CFAP46: variants seen among roughly 807,000 people sequenced by gnomAD.
The protein encoded by CFAP46 is cilia and flagella associated protein 46, also known as cilia- and flagella-associated protein 46.
CFAP46 carries 245 observed loss-of-function variants against 325.7 expected under a neutral mutation model. The ratio of observed to expected loss-of-function variants is 0.75; its 90% CI spans 0.68 to 0.84. The LOEUF is 0.84. Among genes scored for constraint, CFAP46 ranks in the 40% least tolerant of loss-of-function variants. The pLI, the probability that CFAP46 is intolerant of heterozygous loss-of-function variation, is 0.00. For missense variants in CFAP46, 3,346 were observed against 3,543.0 expected (o/e 0.94, Z 1.41); for synonymous variants, 1,523 against 1,495.9 (o/e 1.02, Z -0.42).
chr10:132,829,676 G>A (rs892843004), intron 50 of CFAP46, among the ~76,000 whole-genome samples: 6 of 152,234 alleles, frequency 3.9e-5, no homozygotes, highest in Non-Finnish European at 7.3e-5. Context: ...GATGTCCTTT[G>A]CCAGCTGGAA....
intron 38 of CFAP46, 144 bp downstream of exon 38, chr10:132,858,927 C>T (rs892691010): frequency 1.2e-5 from 10 of 810,644 alleles, no homozygotes; most frequent in Non-Finnish European, 1.7e-5. Flanking sequence ...GAGGCGGCAG[C>T]CGAGAGCTTC....
intron 41 of CFAP46, among the ~76,000 whole-genome samples, chr10:132,848,854 C>T (rs532366747): frequency 1.3e-5 from 2 of 152,282 alleles, no homozygotes; most frequent in South Asian, 2.1e-4. Flanking sequence ...ACAACGAGCT[C>T]GGATAACACC....
chr10:132,899,071 T>C lies in CFAP46; in HGVS notation c.3107A>G (p.His1036Arg). 1 of 1,550,514 alleles carries C rather than the reference T, an allele frequency of 6.4e-7. No homozygotes were observed. Among genetic ancestry groups the C allele is most frequent in the Non-Finnish European group, 8.7e-7 (1 of 1,146,968 alleles). ...CAGTGGGAGCCAGGCGTTCCAGTAATGCCGCGCGGCCAGCATCACCAGGGC... is the reference window on the plus strand; with the variant it reads ...CAGTGGGAGCCAGGCGTTCCAGTAACGCCGCGCGGCCAGCATCACCAGGGC... Reference protein sequence around the residue: ...SSALVMLAARHYWNAWLPLLS... With the variant: ...SSALVMLAARRYWNAWLPLLS... The change falls in exon 24 of 58, where the codon CAT becomes CGT. Residue 1036 changes from histidine (H) to arginine (R), a missense_variant. By Grantham distance (29) the His-to-Arg change is conservative. Coordinates refer to ENST00000368586, the MANE Select transcript of CFAP46 (RefSeq NM_001200049.3).
In CFAP46 at chr10:132,832,398, C is replaced by A. The variant is rs139899988; in HGVS notation, c.7117+960G>T. On this transcript the variant is annotated intron_variant, in intron 50 of 57. Coordinates refer to ENST00000368586, the MANE Select transcript of CFAP46 (RefSeq NM_001200049.3). This position sits in a 1 kb window ranked among gnomAD's most constrained non-coding sequence, Gnocchi z 4.1. Reference sequence around the variant, plus strand: ...CCCTGGGCTCTTCCTGCCCCCCCCCCCCAATGCTGTGGCCTGGAAATTCCC... The same window carrying A: ...CCCTGGGCTCTTCCTGCCCCCCCCCACCAATGCTGTGGCCTGGAAATTCCC... Among the ~76,000 whole-genome samples, 16 of 133,006 alleles carry A rather than the reference C, an allele frequency of 1.2e-4. 1 individual carries two copies. The highest frequency in any genetic ancestry group is 4.1e-3 in the Middle Eastern group (1 of 242). The allele number at this position is 133,006 out of a possible 152,430, so 87.3% of individuals were successfully genotyped here.
chr10:132,885,056 C>T (rs1849101261), intron 27 of CFAP46, 47 bp downstream of exon 27: 1 of 1,511,726 alleles, frequency 6.6e-7, no homozygotes. Context: ...CTCCCTTTCA[C>T]TAAAGGACAA....
At chr10:132,809,105 G>A (rs553472006) in intron 57 of CFAP46, among the ~76,000 whole-genome samples, 6 of 152,008 alleles carry the variant, frequency 3.9e-5, no homozygotes, top group East Asian at 3.9e-4. Context: ...CCGCGCAGCC[G>A]GGTGACGGCA....
intron 32 of CFAP46, among the ~76,000 whole-genome samples, chr10:132,870,579 G>A (rs989885908): frequency 3.9e-5 from 6 of 152,192 alleles, no homozygotes; most frequent in Admixed American, 2.6e-4. Flanking sequence ...AAAAGTTTCC[G>A]TGGTCTGCGC....
intron 50 of CFAP46, among the ~76,000 whole-genome samples, chr10:132,822,767 G>A (rs1847898530): frequency 6.9e-6 from 1 of 144,632 alleles, no homozygotes; most frequent in Admixed American, 6.8e-5. Flanking sequence ...GTGCTGATGT[G>A]TGCTGTGTGT....
At chr10:132,873,005 C>T (rs1005127235) in intron 31 of CFAP46, among the ~76,000 whole-genome samples, 181 bp from the exon 32 acceptor site, 3 of 152,262 alleles carry the variant, frequency 2.0e-5, no homozygotes, top group Admixed American at 6.5e-5. Context: ...TGGATGGAGG[C>T]TGTGCTATCT....
intron 44 of CFAP46, among the ~76,000 whole-genome samples, chr10:132,845,446 C>T (rs972252262): frequency 6.6e-6 from 1 of 152,212 alleles, no homozygotes; most frequent in Admixed American, 6.5e-5. Flanking sequence ...ACCAAACAGC[C>T]CTGGACGAGG....
rs117757058 is a variant in CFAP46, at chr10:132,846,813, C to G, written c.6267+119G>C. ...CGGCAGGCTCCCACTGCTTAAGGAC[C>G]CTGGCCTGCGGCCTGCTTCTCTAAT... On this transcript the variant is annotated intron_variant, in intron 43 of 57. Transcript: ENST00000368586. 3.5e-3 allele frequency: 4,540 copies of G among 1,308,564 alleles called. 11 individuals carry two copies. The highest frequency in any genetic ancestry group is 4.5e-3 in the Non-Finnish European group (4,358 of 972,074). The allele number at this position is 1,308,564 out of a possible 1,614,324, so 81.1% of individuals were successfully genotyped here.
At chr10:132,836,746 G>T in intron 45 of CFAP46, 71 bp downstream of exon 45, 2 of 1,327,686 alleles carry the variant, frequency 1.5e-6, no homozygotes, top group African/African-American at 1.5e-5. Flanking sequence ...GGCAGCCCAC[G>T]GCTGGGTCTC....
intron 22 of CFAP46, among the ~76,000 whole-genome samples, chr10:132,901,318 T>C (rs1849389070): frequency 6.6e-6 from 1 of 152,282 alleles, no homozygotes; most frequent in Non-Finnish European, 1.5e-5. Context: ...ATTTGGTCCT[T>C]GCTTTCCTTT....
intron 22 of CFAP46, among the ~76,000 whole-genome samples, chr10:132,903,434 G>A (rs926830533): frequency 1.3e-5 from 2 of 151,844 alleles, no homozygotes; most frequent in African/African-American, 2.4e-5. Context: ...ATTTCTCCCC[G>A]CGACTCTTCC....
At position 132,924,856 on chromosome 10, in the gene CFAP46, C is replaced by T. The variant is rs747869739; in HGVS notation, c.1096G>A (p.Val366Ile). The T allele has an allele frequency of 1.1e-5, 15 of 1,413,120 alleles. No homozygotes were observed. The highest frequency in any genetic ancestry group is 6.1e-5 in the South Asian group (4 of 65,940). 87.5% of individuals were successfully genotyped at this position (1,413,120 alleles called of 1,614,324 possible). A position where few individuals can be genotyped will look rare whatever the true frequency, so the allele number is the denominator to read the frequency against. Residue 366 changes from valine (V) to isoleucine (I), a missense_variant, in exon 11 of 58, where the codon GTC becomes ATC. Physicochemically the swap from Val to Ile is conservative, Grantham distance 29. Coordinates refer to ENST00000368586, the MANE Select transcript of CFAP46 (RefSeq NM_001200049.3). ...AGGCGCACGGCTCGCTGCAGCGCGA[C>T]GTCTAGCCTCTGTATGATATCCAGC... ...AQLDIIQRLD[V>I]ALQRAVRLGD...
chr10:132,846,943 C>T lies in CFAP46; in HGVS notation c.6256G>A (p.Ala2086Thr), dbSNP rs746530240. Reference sequence around the variant, plus strand: ...GGGCAGAGACACACCTGAGACAGAGCCAGGAACTGGCAGGTAGTTGCAGGG... The same window carrying T: ...GGGCAGAGACACACCTGAGACAGAGTCAGGAACTGGCAGGTAGTTGCAGGG... The part of the protein sequence containing the change: ...LDPATTCQFL[A>T]LSQSCSASET... Residue 2086 changes from alanine (A) to threonine (T), a missense_variant, in exon 43 of 58, where the codon GCT (alanine) becomes ACT (threonine). Ala to Thr is a moderately conservative substitution (Grantham distance 58). Transcript: ENST00000368586. 6.2e-7 allele frequency: 1 copy of T among 1,609,910 alleles called. No homozygotes were observed. Among genetic ancestry groups the T allele is most frequent in the Non-Finnish European group, 8.5e-7 (1 of 1,179,150 alleles).
chr10:132,887,130 CCT>C (rs764015873), intron 25 of CFAP46, among the ~76,000 whole-genome samples: 2 of 142,502 alleles, frequency 1.4e-5, no homozygotes, highest in Non-Finnish European at 3.1e-5. Context: ...TCTCTCCTCT[CCT>C]CTGTCCTCTC....
At position 132,824,785 on chromosome 10, in the gene CFAP46, TGCTGATGTGTGCTGTCTGTGC is replaced by T. The variant is rs1284660326; in HGVS notation, c.7117+8552_7117+8572del. ...TGATGTGTGCTGTATGTTGTGTGAG[TGCTGATGTGTGCTGTCTGTGC>T]GCTGATGTGTGCTGTCTGTGCGCTG... On this transcript the variant is annotated intron_variant, in intron 50 of 57. Coordinates refer to ENST00000368586, the MANE Select transcript of CFAP46 (RefSeq NM_001200049.3). 5.5e-4 allele frequency among the ~76,000 whole-genome samples: 72 copies of T among 130,418 alleles called. No homozygotes were observed. In the East Asian group the frequency reaches 7.8e-3, roughly 14 times the overall value. 85.6% of individuals were successfully genotyped at this position (130,418 alleles called of 152,430 possible). A position where few individuals can be genotyped will look rare whatever the true frequency, so the allele number is the denominator to read the frequency against.
intron 9 of CFAP46, among the ~76,000 whole-genome samples, chr10:132,927,984 C>T (rs1387467825): frequency 6.6e-6 from 1 of 152,196 alleles, no homozygotes; most frequent in Non-Finnish European, 1.5e-5. Flanking sequence ...CAGAGGCCAA[C>T]CGGGCAAAGG....
Sources: gnomAD v4.1 joint callset for allele counts (sites outside exome capture counted in the v4.1 genomes callset) on GRCh38, gnomAD v4.1.1 for gene constraint, Gnocchi (gnomAD v3.1) non-coding constraint, MANE v1.5 for transcripts, NCBI Gene and HGNC (gene_info 2026-07-23, HGNC 2026-07-21) for gene names.